Variants in RWDD4 observed in about 807,000 individuals in gnomAD.
RWDD4 encodes the protein RWD domain-containing protein 4.
A neutral mutation model predicts 30.0 loss-of-function variants in RWDD4; 16 were observed. That is an observed-to-expected ratio of 0.53 (90% confidence interval 0.36 to 0.81). RWDD4 has a LOEUF of 0.81. RWDD4 is among the 30% of genes least tolerant of loss of function. RWDD4 has a pLI of 0.00. For synonymous variants in RWDD4, 45 were observed against 72.1 expected, an observed-to-expected ratio of 0.62 and a Z score of 1.90; for missense variants, 170 against 223.9, an observed-to-expected ratio of 0.76 and a Z score of 1.54.
intron 2 of RWDD4, among the ~76,000 whole-genome samples, chr4:183,655,547 G>T (rs896299163): frequency 6.6e-6 from 1 of 152,096 alleles, no homozygotes; most frequent in Non-Finnish European, 1.5e-5. Flanking sequence ...GCCTCCCAAA[G>T]TGCTGGGATT....
intron 7 of RWDD4, among the ~76,000 whole-genome samples, chr4:183,642,724 A>T (rs1033485113): frequency 6.6e-6 from 1 of 152,120 alleles, no homozygotes; most frequent in Non-Finnish European, 1.5e-5. Flanking sequence ...GGCATCATCA[A>T]ATGTCATGCA....
intron 5 of RWDD4, among the ~76,000 whole-genome samples, chr4:183,647,262 C>T (rs1050205738): frequency 6.6e-6 from 1 of 152,124 alleles, no homozygotes; most frequent in Non-Finnish European, 1.5e-5. Flanking sequence ...CATGTCTCCA[C>T]TTTATGAAAC....
intron 2 of RWDD4, among the ~76,000 whole-genome samples, chr4:183,652,361 C>CTTTTTT (rs59841926): frequency 0.17 from 20,558 of 122,558 alleles, 2,058 homozygotes; most frequent in African/African-American, 0.2. Context: ...TCTCCCCTGG[C>CTTTTTT]TTTTTTTTTT....
chr4:183,657,434 T>C (rs1443492434), intron 1 of RWDD4, among the ~76,000 whole-genome samples: 2 of 152,196 alleles, frequency 1.3e-5, no homozygotes, highest in Non-Finnish European at 2.9e-5. Context: ...TGGATGACAA[T>C]TTGTTGGGAC....
chr4:183,643,911 T>A (rs562730756), intron 7 of RWDD4, among the ~76,000 whole-genome samples: 2 of 152,166 alleles, frequency 1.3e-5, no homozygotes, highest in East Asian at 3.9e-4. Context: ...AGTGCGAAAC[T>A]CCGTCTCAAA....
chr4:183,652,650 A>AAATAC (rs1289445847), intron 2 of RWDD4, among the ~76,000 whole-genome samples: 1 of 152,016 alleles, frequency 6.6e-6, no homozygotes, highest in Non-Finnish European at 1.5e-5. Flanking sequence ...TCTCTGCTAA[A>AAATAC]AATACAAAAA....
Position 183,641,330 on chromosome 4 carries a change from T to G in RWDD4, c.*106A>C, listed in dbSNP as rs528234469. 7.1e-6 allele frequency: 6 copies of G among 849,408 alleles called. No individual in the cohort carries two copies. In the South Asian group the frequency reaches 8.7e-5, roughly 12 times the overall value. The allele number at this position is 849,408 out of a possible 1,614,324, so 52.6% of individuals were successfully genotyped here. On this transcript the variant is annotated 3_prime_UTR_variant, in exon 8 of 8. Coordinates refer to ENST00000326397, the MANE Select transcript of RWDD4 (RefSeq NM_152682.4). Reference sequence around the variant, plus strand: ...TTAATGTAAGAAACATACAAAAAATTGTGTTTTATAAAAAGTCGCCTCAAT... The same window carrying G: ...TTAATGTAAGAAACATACAAAAAATGGTGTTTTATAAAAAGTCGCCTCAAT...
intron 2 of RWDD4, among the ~76,000 whole-genome samples, chr4:183,655,026 C>T (rs966569323): frequency 2.0e-5 from 3 of 151,828 alleles, no homozygotes; most frequent in East Asian, 1.9e-4. Context: ...CTGGAACCTC[C>T]GCCTCCTGGG....
intron 1 of RWDD4, among the ~76,000 whole-genome samples, chr4:183,656,961 G>A (rs548823063): frequency 1.3e-5 from 2 of 152,342 alleles, no homozygotes; most frequent in Admixed American, 1.3e-4. Flanking sequence ...AGGAGGCGGA[G>A]GTTGCAGTGA....
At chr4:183,644,764 C>T (rs189934996) in intron 7 of RWDD4, among the ~76,000 whole-genome samples, 53 of 149,372 alleles carry the variant, frequency 3.5e-4, no homozygotes, top group African/African-American at 1.2e-3. Context: ...GGTGACGGAG[C>T]GAGACTCGGC....
At chr4:183,651,173 AAC>A in intron 3 of RWDD4, 42 bp from the exon 4 acceptor site, 2 of 1,606,820 alleles carry the variant, frequency 1.2e-6, no homozygotes, top group Non-Finnish European at 1.7e-6. Flanking sequence ...AGAAAAGTAT[AAC>A]AGAGAGTGAA....
In RWDD4 at chr4:183,649,387, C is replaced by T. The variant is rs558156671; in HGVS notation, c.481+64G>A. ...TGAGATCATGCCACTGCACTCCAGC[C>T]TGGGCAACAAGAGTGAGACTCTGTC... On this transcript the variant is annotated intron_variant, in intron 5 of 7. Coordinates refer to ENST00000326397, the MANE Select transcript of RWDD4 (RefSeq NM_152682.4). The T allele has an allele frequency of 1.8e-5, 19 of 1,071,368 alleles. No homozygotes were observed. The African/African-American group carries it at 2.5e-4, about 14-fold the overall frequency. 66.4% of individuals were successfully genotyped at this position (1,071,368 alleles called of 1,614,324 possible).
At chr4:183,642,307 A>G (rs546576344) in intron 7 of RWDD4, among the ~76,000 whole-genome samples, 1 of 122,584 alleles carries the variant, frequency 8.2e-6, no homozygotes, top group African/African-American at 3.9e-5. Context: ...CTCCTGCCTC[A>G]GCCTCCCAAG....
chr4:183,645,080 AC>A (rs1317942824), intron 7 of RWDD4, among the ~76,000 whole-genome samples: 1 of 152,170 alleles, frequency 6.6e-6, no homozygotes, highest in Non-Finnish European at 1.5e-5. Flanking sequence ...AGCTTGGGCA[AC>A]AGAAACAGAC....
chr4:183,656,535 C>A (rs919845037), intron 1 of RWDD4, among the ~76,000 whole-genome samples: 1 of 152,172 alleles, frequency 6.6e-6, no homozygotes, highest in East Asian at 1.9e-4. Flanking sequence ...GTAATCCTTG[C>A]TTGGACATAG....
intron 6 of RWDD4, 54 bp from the exon 7 acceptor site, chr4:183,646,407 G>C: frequency 6.4e-7 from 1 of 1,574,446 alleles, no homozygotes; most frequent in Non-Finnish European, 8.7e-7. Flanking sequence ...GTTGTGAAGG[G>C]GAAAACAAAA....
intron 4 of RWDD4, among the ~76,000 whole-genome samples, chr4:183,650,044 GTA>G (rs530497353): frequency 1.1e-3 from 161 of 152,292 alleles, no homozygotes; most frequent in African/African-American, 3.5e-3. Context: ...TGCAGTCAGG[GTA>G]TATGATAGCT....
chr4:183,641,483 G>A lies in RWDD4; in HGVS notation c.535-15C>T, dbSNP rs1579120433. 6.3e-7 allele frequency: 1 copy of A among 1,596,830 alleles called. No homozygotes were observed. The highest frequency in any genetic ancestry group is 1.1e-5 in the South Asian group (1 of 90,078). On this transcript the variant is annotated splice_polypyrimidine_tract_variant and intron_variant, in intron 7 of 7. Transcript: ENST00000326397. The stretch of plus-strand genomic sequence containing the variant: ...GTTTTGCTTAACTATAAAAAAAAGA[G>A]AGAAAATAGTCAACAAGTGGTATTT...
At chr4:183,646,679 T>C (rs1399197057) in intron 5 of RWDD4, 142 bp from the exon 6 acceptor site, 3 of 686,986 alleles carry the variant, frequency 4.4e-6, no homozygotes, top group Non-Finnish European at 2.3e-6. Context: ...GAGTTTATCA[T>C]TATGAATCGA....
Sources: allele counts gnomAD v4.1 joint callset (sites outside exome capture counted in the v4.1 genomes callset), GRCh38; gene constraint gnomAD v4.1.1; transcripts MANE v1.5; gene names NCBI Gene and HGNC (gene_info 2026-07-23, HGNC 2026-07-21).